Variants in TENT5C observed in about 807,000 individuals in gnomAD.
TENT5C encodes the protein terminal nucleotidyltransferase 5C, also known as family with sequence similarity 46 member C.
A neutral mutation model predicts 22.2 loss-of-function variants in TENT5C; 5 were observed. That is an observed-to-expected ratio of 0.22 (90% confidence interval 0.12 to 0.47). The LOEUF (loss-of-function observed/expected upper bound fraction) is 0.47, where lower values mean the gene tolerates loss of function less well. TENT5C is among the 20% of genes least tolerant of loss of function. The probability of loss-of-function intolerance (pLI) is 0.99; values close to 1 mark genes in which losing one functional copy is unlikely to be tolerated. For missense variants in TENT5C, 364 were observed against 500.9 expected (o/e 0.73, Z 2.61); for synonymous variants, 199 against 195.4 (o/e 1.02, Z -0.15).
intron 1 of TENT5C, among the ~76,000 whole-genome samples, chr1:117,609,845 C>G (rs576256460): frequency 2.0e-5 from 3 of 152,082 alleles, no homozygotes; most frequent in African/African-American, 4.8e-5. Flanking sequence ...GGGAGGCGTA[C>G]TTGAAGTGGG....
rs756787020 is a variant in TENT5C at position 117,622,967 on chromosome 1, A to G, written c.99A>G (p.Val33=). Residue 33 remains valine (V), a synonymous_variant, in exon 2 of 2, where the codon GTA becomes GTG. Coordinates refer to ENST00000369448, the MANE Select transcript of TENT5C (RefSeq NM_017709.4). ...SRLHEVLTEV[V]PIHGRGNFPT... Reference sequence around the variant, plus strand: ...TGCATGAGGTCCTCACTGAAGTTGTACCTATCCACGGACGAGGCAACTTTC... The same window carrying G: ...TGCATGAGGTCCTCACTGAAGTTGTGCCTATCCACGGACGAGGCAACTTTC... 1 of 1,614,024 alleles carries G rather than the reference A, an allele frequency of 6.2e-7. No individual in the cohort carries two copies. Among genetic ancestry groups the G allele is most frequent in the Non-Finnish European group, 8.5e-7 (1 of 1,180,022 alleles).
intron 1 of TENT5C, among the ~76,000 whole-genome samples, chr1:117,619,727 A>AT (rs1653855779): frequency 1.4e-5 from 2 of 145,412 alleles, no homozygotes; most frequent in Admixed American, 6.9e-5. Flanking sequence ...GGAGTCCTTC[A>AT]TTTTTTTCTT....
In TENT5C at chr1:117,608,036, T is replaced by C. The variant is rs574370455; in HGVS notation, c.-28+1883T>C. Among the ~76,000 whole-genome samples the C allele has an allele frequency of 2.0e-5, 3 of 152,062 alleles. No individual in the cohort carries two copies. The East Asian group carries it at 5.8e-4, about 29-fold the overall frequency. ...GATTTTGGTATATTGTATATAATTG[T>C]TCAGGTAGCTATGCGGGGGTAGGGG... On this transcript the variant is annotated intron_variant, in intron 1 of 1. Transcript: ENST00000369448.
At chr1:117,612,068 T>TGCAGAATCAC (rs1653680644) in intron 1 of TENT5C, among the ~76,000 whole-genome samples, 1 of 152,226 alleles carries the variant, frequency 6.6e-6, no homozygotes, top group African/African-American at 2.4e-5. Flanking sequence ...CACTCTCAAG[T>TGCAGAATCAC]TCTGATTCTG....
At chr1:117,621,614 C>T (rs1653897019) in intron 1 of TENT5C, among the ~76,000 whole-genome samples, 2 of 152,118 alleles carry the variant, frequency 1.3e-5, no homozygotes, top group Admixed American at 1.3e-4. Flanking sequence ...TATTCAAACA[C>T]AGCAGCTTCC....
Position 117,626,243 on chromosome 1 carries a change from A to C in TENT5C, c.*2199A>C. 1 of 247,956 alleles carries C rather than the reference A, an allele frequency of 4.0e-6. No homozygotes were observed. The allele number at this position is 247,956 out of a possible 1,614,324, so 15.4% of individuals were successfully genotyped here. ...ACCAGATGAAGATAAGATCTGCATC[A>C]AGGAATTAAATTTCCAGTTTGTCCT... On this transcript the variant is annotated 3_prime_UTR_variant, in exon 2 of 2. Transcript: ENST00000369448.
In TENT5C at chr1:117,624,164, C is replaced by CTTTTTTT. The variant is rs4026613; in HGVS notation, c.*130_*136dup. ...AAAGGGGAACTCAGCTCTGATTCTG[C>CTTTTTTT]TTTTTTTTTTTTTTTTCCTTTGTGT... On this transcript the variant is annotated 3_prime_UTR_variant, in exon 2 of 2. Coordinates refer to ENST00000369448, the MANE Select transcript of TENT5C (RefSeq NM_017709.4). 2 of 628,468 alleles carry CTTTTTTT rather than the reference C, an allele frequency of 3.2e-6. No individual in the cohort carries two copies. Among genetic ancestry groups the CTTTTTTT allele is most frequent in the Non-Finnish European group, 5.3e-6 (2 of 379,236 alleles). The allele number at this position is 628,468 out of a possible 1,614,324, so 38.9% of individuals were successfully genotyped here.
At chr1:117,614,340 A>G (rs1653731193) in intron 1 of TENT5C, among the ~76,000 whole-genome samples, 2 of 152,248 alleles carry the variant, frequency 1.3e-5, no homozygotes, top group East Asian at 3.8e-4. Context: ...GCACATGCCA[A>G]GCAAAATGAC....
At position 117,623,677 on chromosome 1, in the gene TENT5C, T is replaced by G; in HGVS notation, c.809T>G (p.Met270Arg). Reference protein sequence around the residue: ...QEEIKTLERYMCSRFFIDFPD... With the variant: ...QEEIKTLERYRCSRFFIDFPD... ...GAAATCAAAACTCTAGAGCGCTACATGTGCTCCAGGTTCTTCATCGACTTC... is the reference window on the plus strand; with the variant it reads ...GAAATCAAAACTCTAGAGCGCTACAGGTGCTCCAGGTTCTTCATCGACTTC... Residue 270 changes from methionine to arginine, a missense_variant, in exon 2 of 2, where the codon ATG becomes AGG. Around this residue, in one of 3 missense-constraint regions of TENT5C, gnomAD observed 303 missense variants for 394.5 expected, o/e 0.77. Transcript: ENST00000369448. 6.2e-7 allele frequency: 1 copy of G among 1,613,976 alleles called. No homozygotes were observed. Among genetic ancestry groups the G allele is most frequent in the Non-Finnish European group, 8.5e-7 (1 of 1,180,010 alleles).
chr1:117,609,873 G>A (rs1189773602), intron 1 of TENT5C, among the ~76,000 whole-genome samples: 2 of 152,144 alleles, frequency 1.3e-5, no homozygotes, highest in Non-Finnish European at 2.9e-5. Flanking sequence ...TTGGTGGACC[G>A]AGGCAGGCAG....
chr1:117,608,393 C>G (rs1050859605), intron 1 of TENT5C, among the ~76,000 whole-genome samples: 3 of 152,162 alleles, frequency 2.0e-5, no homozygotes, highest in African/African-American at 7.2e-5. Flanking sequence ...CCCGTCCCCC[C>G]TCAGCTGTAT....
rs765633533 is a variant in TENT5C at position 117,627,264 on chromosome 1, C to T, written c.*3220C>T. On this transcript the variant is annotated 3_prime_UTR_variant, in exon 2 of 2. Transcript: ENST00000369448. Reference sequence around the variant, plus strand: ...TGTATGAACTTGTGTTTTGTGGTGACACATTAATAATCAAATTGCTAAAAC... The same window carrying T: ...TGTATGAACTTGTGTTTTGTGGTGATACATTAATAATCAAATTGCTAAAAC... The T allele has an allele frequency of 4.0e-5, 10 of 248,010 alleles. No individual in the cohort carries two copies. Among genetic ancestry groups the T allele is most frequent in the Non-Finnish European group, 8.5e-5 (10 of 118,126 alleles). 15.4% of individuals were successfully genotyped at this position (248,010 alleles called of 1,614,324 possible).
intron 1 of TENT5C, among the ~76,000 whole-genome samples, chr1:117,616,775 A>G (rs1653789699): frequency 6.6e-6 from 1 of 152,260 alleles, no homozygotes; most frequent in African/African-American, 2.4e-5. Context: ...CAGGAGGGTC[A>G]GAAGAAGGTA....
At position 117,624,499 on chromosome 1, in the gene TENT5C, CTTG is replaced by C. The variant is rs1292332204; in HGVS notation, c.*457_*459del. Reference sequence around the variant, plus strand: ...GAAAGTTGTGCTGATAATCTCTTCTCTTGTACCAATTTTAGTCAGGCAGAAAAT... The same window carrying C: ...GAAAGTTGTGCTGATAATCTCTTCTCTACCAATTTTAGTCAGGCAGAAAAT... On this transcript the variant is annotated 3_prime_UTR_variant, in exon 2 of 2. Transcript: ENST00000369448. 1.2e-5 allele frequency: 3 copies of C among 252,336 alleles called. No individual in the cohort carries two copies. The highest frequency in any genetic ancestry group is 1.7e-5 in the Non-Finnish European group (2 of 121,196). 15.6% of individuals were successfully genotyped at this position (252,336 alleles called of 1,614,324 possible). A position where few individuals can be genotyped will look rare whatever the true frequency, so the allele number is the denominator to read the frequency against.
At chr1:117,614,717 T>G (rs1269409304) in intron 1 of TENT5C, among the ~76,000 whole-genome samples, 1 of 152,108 alleles carries the variant, frequency 6.6e-6, no homozygotes, top group African/African-American at 2.4e-5. Context: ...CAGTAATTGT[T>G]CCTTTATTCC....
chr1:117,622,795 C>T, intron 1 of TENT5C, 47 bp from the exon 2 acceptor site: 1 of 1,348,856 alleles, frequency 7.4e-7, no homozygotes, highest in Non-Finnish European at 1.0e-6. Flanking sequence ...AGCTGCTTTG[C>T]CATGTAGAAG....
chr1:117,614,007 G>A (rs1653724087), intron 1 of TENT5C, among the ~76,000 whole-genome samples: 2 of 152,184 alleles, frequency 1.3e-5, no homozygotes, highest in Admixed American at 1.3e-4. Flanking sequence ...TATTTTATCT[G>A]TTTTTATTGC....
chr1:117,620,118 G>C (rs1410989668), intron 1 of TENT5C, among the ~76,000 whole-genome samples: 2 of 152,132 alleles, frequency 1.3e-5, no homozygotes, highest in African/African-American at 4.8e-5. Context: ...AAGGCTCATA[G>C]CTTCCAGGCT....
chr1:117,622,981 G>C lies in TENT5C; in HGVS notation c.113G>C (p.Arg38Pro). The C allele has an allele frequency of 6.2e-7, 1 of 1,614,220 alleles. No individual in the cohort carries two copies. The highest frequency in any genetic ancestry group is 8.5e-7 in the Non-Finnish European group (1 of 1,180,028). ...VLTEVVPIHG[R>P]GNFPTLEITL... ...ACTGAAGTTGTACCTATCCACGGAC[G>C]AGGCAACTTTCCAACCTTGGAGATA... Residue 38 changes from arginine to proline, a missense_variant, in exon 2 of 2, where the codon CGA (arginine) becomes CCA (proline). This residue lies in a region of TENT5C where 303 missense variants were observed against 394.5 expected (regional missense o/e 0.77). Coordinates refer to ENST00000369448, the MANE Select transcript of TENT5C (RefSeq NM_017709.4).
Sources: gnomAD v4.1 joint callset for allele counts (sites outside exome capture counted in the v4.1 genomes callset) on GRCh38, gnomAD v4.1.1 for gene constraint, gnomAD v4.1.1 regional missense constraint, MANE v1.5 for transcripts, NCBI Gene and HGNC (gene_info 2026-07-23, HGNC 2026-07-21) for gene names.